The following UTRN variants were observed in gnomAD, a reference collection of about 807,000 sequenced individuals.
UTRN encodes the protein dystrophin-related protein 1.
Under a neutral mutation model 463.9 loss-of-function variants are expected in UTRN, and 283 were observed. The ratio of observed to expected loss-of-function variants is 0.61; its 90% confidence interval spans 0.55 to 0.67. UTRN has a LOEUF of 0.67. UTRN is among the 30% of genes least tolerant of loss of function. The pLI is 0.00. For missense variants in UTRN, 3,922 were observed against 4,084.3 expected (o/e 0.96, Z 1.08); for synonymous variants, 1,442 against 1,431.5 (o/e 1.01, Z -0.17).
At chr6:144,643,935 C>T (rs1478885798) in intron 51 of UTRN, among the ~76,000 whole-genome samples, 5 of 152,076 alleles carry the variant, frequency 3.3e-5, no homozygotes, top group Non-Finnish European at 4.4e-5. Flanking sequence ...ATATTTCTGT[C>T]GTGTCGCATT....
At chr6:144,291,961 A>G (rs779648937) in intron 2 of UTRN, 54 bp downstream of exon 2, 47 of 1,550,476 alleles carry the variant, frequency 3.0e-5, no homozygotes, top group South Asian at 3.6e-5. Context: ...TAGAAAACCT[A>G]TGTTTCTTGG....
intron 51 of UTRN, among the ~76,000 whole-genome samples, chr6:144,605,420 G>A (rs1046820746): frequency 2.6e-5 from 4 of 151,706 alleles, no homozygotes; most frequent in Non-Finnish European, 4.4e-5. Context: ...TGCTAGGCAG[G>A]GCATTGATAA....
chr6:144,626,252 A>G (rs1328355737), intron 51 of UTRN, among the ~76,000 whole-genome samples: 1 of 152,226 alleles, frequency 6.6e-6, no homozygotes, highest in Non-Finnish European at 1.5e-5. Context: ...TTCAACAAAC[A>G]TCTGAAAAAC....
At chr6:144,570,409 T>G (rs1039607097) in intron 50 of UTRN, among the ~76,000 whole-genome samples, 2 of 152,076 alleles carry the variant, frequency 1.3e-5, no homozygotes, top group African/African-American at 4.8e-5. Flanking sequence ...CAGAGTCAGA[T>G]GATGGAAAAC....
chr6:144,732,590 C>T (rs1788819108), intron 54 of UTRN, among the ~76,000 whole-genome samples: 3 of 151,780 alleles, frequency 2.0e-5, no homozygotes, highest in South Asian at 2.1e-4. Flanking sequence ...TCTTTCTTGA[C>T]TTTCCATTGC....
intron 2 of UTRN, among the ~76,000 whole-genome samples, chr6:144,352,983 A>C (rs1778238057): frequency 6.6e-6 from 1 of 152,062 alleles, no homozygotes; most frequent in African/African-American, 2.4e-5. Flanking sequence ...TGCTCTGTCA[A>C]CCAAGCTAGA....
chr6:144,473,641 TC>T (rs1790890423), intron 23 of UTRN, 78 bp from the exon 24 acceptor site: 1 of 1,062,616 alleles, frequency 9.4e-7, no homozygotes, highest in Admixed American at 2.2e-5. Flanking sequence ...GTTCCTTTGT[TC>T]CAGTGGCGGT....
chr6:144,368,108 T>C (rs769920082), intron 2 of UTRN, among the ~76,000 whole-genome samples: 5 of 152,156 alleles, frequency 3.3e-5, no homozygotes, highest in Non-Finnish European at 7.4e-5. Context: ...TGATAATCCT[T>C]AGTGATCTAA....
At chr6:144,355,151 C>G (rs2114668982) in intron 2 of UTRN, among the ~76,000 whole-genome samples, 1 of 152,118 alleles carries the variant, frequency 6.6e-6, no homozygotes, top group Non-Finnish European at 1.5e-5. Flanking sequence ...GCAGGTATGC[C>G]TATGGAATCC....
chr6:144,765,775 C>T (rs985158966), intron 58 of UTRN, among the ~76,000 whole-genome samples: 1 of 151,638 alleles, frequency 6.6e-6, no homozygotes, highest in South Asian at 2.1e-4. Flanking sequence ...CTTCCTGCCT[C>T]CTGTCTTCAT....
chr6:144,591,936 A>G (rs563679755), intron 51 of UTRN, among the ~76,000 whole-genome samples: 1 of 152,222 alleles, frequency 6.6e-6, no homozygotes, highest in African/African-American at 2.4e-5. Flanking sequence ...CTGATTGTGT[A>G]TTTACTCTGG....
chr6:144,399,108 G>T (rs992533916), intron 2 of UTRN, among the ~76,000 whole-genome samples: 3 of 152,044 alleles, frequency 2.0e-5, no homozygotes, highest in Non-Finnish European at 2.9e-5. Flanking sequence ...ACTCAGGGAG[G>T]TTAAACATTT....
chr6:144,750,511 A>G (rs1055829466), intron 55 of UTRN, among the ~76,000 whole-genome samples: 6 of 152,104 alleles, frequency 3.9e-5, no homozygotes, highest in Non-Finnish European at 7.4e-5. Context: ...CCCTGACTCT[A>G]GTCTCTTAAA....
At chr6:144,432,416 T>C (rs1785951176) in intron 9 of UTRN, among the ~76,000 whole-genome samples, 1 of 152,232 alleles carries the variant, frequency 6.6e-6, no homozygotes, top group Admixed American at 6.5e-5. Context: ...TTTTGTAAAC[T>C]GTGTTAAGAA....
intron 52 of UTRN, among the ~76,000 whole-genome samples, chr6:144,698,579 C>T (rs777851850): frequency 3.0e-4 from 45 of 152,222 alleles, no homozygotes; most frequent in Admixed American, 7.2e-4. Flanking sequence ...CACAGTCTGC[C>T]CTCTGGGATG....
At chr6:144,806,050 A>G (rs1328736190) in intron 65 of UTRN, among the ~76,000 whole-genome samples, 4 of 152,224 alleles carry the variant, frequency 2.6e-5, no homozygotes, top group Non-Finnish European at 5.9e-5. Context: ...GTATCAAAAT[A>G]TCATAAAGTA....
intron 33 of UTRN, among the ~76,000 whole-genome samples, chr6:144,498,528 A>C (rs1227952861): frequency 2.0e-5 from 3 of 152,202 alleles, no homozygotes; most frequent in African/African-American, 7.2e-5. Context: ...AAGTTACTAT[A>C]ATACCGTATT....
intron 51 of UTRN, among the ~76,000 whole-genome samples, chr6:144,635,491 C>T (rs1256262445): frequency 7.7e-6 from 1 of 130,398 alleles, no homozygotes; most frequent in East Asian, 2.1e-4. Flanking sequence ...CTCAGTATTA[C>T]TTAGCAGCTA....
chr6:144,296,050 T>A (rs1028673556), intron 2 of UTRN, among the ~76,000 whole-genome samples: 2 of 152,200 alleles, frequency 1.3e-5, no homozygotes, highest in Non-Finnish European at 2.9e-5. Context: ...TGTATTTACG[T>A]TCCCTGTGTT....
Sources: allele counts gnomAD v4.1 joint callset (sites outside exome capture counted in the v4.1 genomes callset), GRCh38; gene constraint gnomAD v4.1.1; transcripts MANE v1.5; gene names NCBI Gene and HGNC (gene_info 2026-07-23, HGNC 2026-07-21).